The following PIK3CB variants were observed in gnomAD, a reference collection of about 807,000 sequenced individuals.
PIK3CB encodes phosphatidylinositol 4,5-bisphosphate 3-kinase catalytic subunit beta isoform.
PIK3CB carries 39 observed loss-of-function variants against 136.8 expected under a neutral mutation model. That is an observed-to-expected ratio of 0.29 (90% CI 0.22 to 0.37). The LOEUF (loss-of-function observed/expected upper bound fraction) is 0.37, where lower values mean the gene tolerates loss of function less well. Ranked by LOEUF, PIK3CB falls within the 10% of genes least tolerant of loss-of-function variation. The pLI is 1.00. For synonymous variants in PIK3CB, 428 were observed against 436.6 expected (o/e 0.98, Z 0.25); for missense variants, 868 against 1,275.4 (o/e 0.68, Z 4.87).
At chr3:138,816,434 A>AC (rs1933332738) in intron 1 of PIK3CB, among the ~76,000 whole-genome samples, 1 of 151,698 alleles carries the variant, frequency 6.6e-6, no homozygotes, top group Non-Finnish European at 1.5e-5. Context: ...TCTCTACTAA[A>AC]AATACAAAAA....
chr3:138,674,802 T>C (rs1229406998), intron 19 of PIK3CB, among the ~76,000 whole-genome samples: 1 of 152,178 alleles, frequency 6.6e-6, no homozygotes, highest in Admixed American at 6.5e-5. Context: ...ACACCTGTAA[T>C]CCCAGCACTT....
At position 138,741,825 on chromosome 3, in the gene PIK3CB, C is replaced by CT. The variant is rs202222558; in HGVS notation, c.621+732dup. On this transcript the variant is annotated intron_variant, in intron 5 of 23. Coordinates refer to ENST00000674063, the MANE Select transcript of PIK3CB (RefSeq NM_006219.3). ...CCTGGGCAACAGAGCAAGACTCCGT[C>CT]TAAAAAAAAAAAAAAAAATCCTTGA... Among the ~76,000 whole-genome samples, 3 of 145,892 alleles carry CT rather than the reference C, an allele frequency of 2.1e-5. No homozygotes were observed. In the East Asian group the frequency reaches 6.0e-4, roughly 29 times the overall value.
In PIK3CB at chr3:138,655,365, T is replaced by C. The variant is rs2043172932; in HGVS notation, c.*24A>G. On this transcript the variant is annotated 3_prime_UTR_variant, in exon 24 of 24. Coordinates refer to ENST00000674063, the MANE Select transcript of PIK3CB (RefSeq NM_006219.3). ...ATGAAAATGAAATGAAACCAACAAA[T>C]ACATTAGGAGCGAAGGCTGATCGTT... 6.2e-7 allele frequency: 1 copy of C among 1,610,376 alleles called. No individual in the cohort carries two copies. Among genetic ancestry groups the C allele is most frequent in the Non-Finnish European group, 8.5e-7 (1 of 1,177,980 alleles).
At chr3:138,755,401 G>T (rs989935589) in intron 4 of PIK3CB, among the ~76,000 whole-genome samples, 1 of 152,086 alleles carries the variant, frequency 6.6e-6, no homozygotes, top group East Asian at 1.9e-4. Flanking sequence ...CAGCACTTTG[G>T]GGGGCCAAGG....
chr3:138,724,640 T>C (rs1307301390), intron 8 of PIK3CB, among the ~76,000 whole-genome samples: 1 of 152,164 alleles, frequency 6.6e-6, no homozygotes, highest in Non-Finnish European at 1.5e-5. Context: ...TCTCCATTCA[T>C]CTTGTCAGCA....
chr3:138,657,874 G>T (rs2043218306), intron 21 of PIK3CB, 39 bp from the exon 22 acceptor site: 2 of 1,591,982 alleles, frequency 1.3e-6, no homozygotes, highest in Non-Finnish European at 1.7e-6. Flanking sequence ...TCATTTTTCT[G>T]GTGGGTTCCA....
At chr3:138,694,969 G>A (rs975748495) in intron 13 of PIK3CB, 62 bp from the exon 14 acceptor site, 38 of 1,501,770 alleles carry the variant, frequency 2.5e-5, no homozygotes, top group Non-Finnish European at 2.9e-5. Flanking sequence ...AATTTTCCTT[G>A]ACACACAGGA....
At chr3:138,703,151 C>T (rs1471794611) in intron 12 of PIK3CB, among the ~76,000 whole-genome samples, 4 of 152,134 alleles carry the variant, frequency 2.6e-5, no homozygotes, top group African/African-American at 9.7e-5. Context: ...AGGAGTCTGG[C>T]ACTACTGCTC....
chr3:138,663,820 A>T, intron 21 of PIK3CB, 86 bp downstream of exon 21: 1 of 1,352,818 alleles, frequency 7.4e-7, no homozygotes, highest in Non-Finnish European at 1.0e-6. Flanking sequence ...ATCACAAAAG[A>T]ATCTGGCTGA....
chr3:138,747,467 C>T (rs373804835), intron 4 of PIK3CB, among the ~76,000 whole-genome samples: 10 of 152,078 alleles, frequency 6.6e-5, no homozygotes, highest in Admixed American at 2.6e-4. Flanking sequence ...AACCTCACCA[C>T]AATAGCAACA....
At chr3:138,773,794 G>T (rs2045827080) in intron 2 of PIK3CB, among the ~76,000 whole-genome samples, 1 of 151,986 alleles carries the variant, frequency 6.6e-6, no homozygotes. Flanking sequence ...GTATTTCCAG[G>T]AGAAATGTAT....
chr3:138,834,542 G>T (rs1662517249), intron 1 of PIK3CB, among the ~76,000 whole-genome samples, 153 bp downstream of exon 1: 1 of 152,186 alleles, frequency 6.6e-6, no homozygotes, highest in Non-Finnish European at 1.5e-5. Context: ...CTCCAAGCTG[G>T]CAGGAAGCGC....
At chr3:138,700,616 A>AGTTCAAG (rs1463891514) in intron 12 of PIK3CB, among the ~76,000 whole-genome samples, 1 of 152,102 alleles carries the variant, frequency 6.6e-6, no homozygotes, top group African/African-American at 2.4e-5. Context: ...GGAGAAGAGG[A>AGTTCAAG]GTTCAAGGCT....
intron 21 of PIK3CB, among the ~76,000 whole-genome samples, chr3:138,659,068 C>T (rs915209804): frequency 5.3e-5 from 8 of 152,232 alleles, no homozygotes; most frequent in Non-Finnish European, 1.2e-4. Flanking sequence ...TACTGGCACA[C>T]ACTGACATAG....
At chr3:138,788,142 C>T in intron 2 of PIK3CB, among the ~76,000 whole-genome samples, 1 of 151,668 alleles carries the variant, frequency 6.6e-6, no homozygotes, top group African/African-American at 2.4e-5. Context: ...AGGCCGGTCT[C>T]TAACTCCTGA....
At chr3:138,691,513 C>T (rs902226560) in intron 14 of PIK3CB, among the ~76,000 whole-genome samples, 1 of 152,150 alleles carries the variant, frequency 6.6e-6, no homozygotes, top group Non-Finnish European at 1.5e-5. Flanking sequence ...GCCCTCCATG[C>T]TAGTCTCATG....
At chr3:138,770,090 T>C (rs1334054701) in intron 2 of PIK3CB, 1 of 152,190 alleles carries the variant, frequency 6.6e-6, no homozygotes, top group East Asian at 1.9e-4. Context: ...CATTCTTCTG[T>C]TTGAGCATCA....
At chr3:138,819,303 C>T (rs1006536664) in intron 1 of PIK3CB, among the ~76,000 whole-genome samples, 1 of 151,588 alleles carries the variant, frequency 6.6e-6, no homozygotes. Context: ...GCCGAGATTG[C>T]GCCATTGTCC....
At chr3:138,826,800 G>A (rs1464802409) in intron 1 of PIK3CB, among the ~76,000 whole-genome samples, 2 of 152,174 alleles carry the variant, frequency 1.3e-5, no homozygotes, top group Non-Finnish European at 2.9e-5. Context: ...CAGGCGCAGT[G>A]GCTTATGCCT....
Sources: gnomAD v4.1 joint callset for allele counts (sites outside exome capture counted in the v4.1 genomes callset) on GRCh38, gnomAD v4.1.1 for gene constraint, MANE v1.5 for transcripts, NCBI Gene and HGNC (gene_info 2026-07-23, HGNC 2026-07-21) for gene names.